ZNF148: variants seen among roughly 807,000 people sequenced by gnomAD.
ZNF148 encodes zinc finger protein 148, also known as Beta-Enolase Repressor Factor-1.
ZNF148 carries 7 observed loss-of-function variants against 67.7 expected under a neutral mutation model. The ratio of observed to expected loss-of-function variants is 0.10; its 90% CI spans 0.06 to 0.19. ZNF148 has a LOEUF of 0.19. ZNF148 is among the 10% of genes least tolerant of loss of function. The pLI is 1.00. For missense variants in ZNF148, 583 were observed against 947.1 expected (o/e 0.62, Z 5.05); for synonymous variants, 333 against 330.7 (o/e 1.01, Z -0.08).
chr3:125,370,784 C>T (rs1013191989), intron 1 of ZNF148, among the ~76,000 whole-genome samples: 1 of 152,162 alleles, frequency 6.6e-6, no homozygotes, highest in African/African-American at 2.4e-5. Context: ...CTACCACATT[C>T]CCAACATATT....
At position 125,229,086 on chromosome 3, in the gene ZNF148, CAAT is replaced by C. The variant is rs1316252452; in HGVS notation, c.*3252_*3254del. On this transcript the variant is annotated 3_prime_UTR_variant, in exon 9 of 9. Coordinates refer to ENST00000360647, the MANE Select transcript of ZNF148 (RefSeq NM_021964.3). The stretch of plus-strand genomic sequence containing the variant: ...TAAATTTCAGACTCAAAATACTTCT[CAAT>C]GATTATTATAGTGCTTCTTCAAGTA... The C allele has an allele frequency of 5.9e-5, 9 of 152,164 alleles. No individual in the cohort carries two copies. The highest frequency in any genetic ancestry group is 1.0e-4 in the Non-Finnish European group (7 of 67,960). The allele number at this position is 152,164 out of a possible 1,614,324, so 9.4% of individuals were successfully genotyped here. A position where few individuals can be genotyped will look rare whatever the true frequency, so the allele number is the denominator to read the frequency against.
chr3:125,290,231 T>C (rs1938932762), intron 4 of ZNF148, among the ~76,000 whole-genome samples: 1 of 152,182 alleles, frequency 6.6e-6, no homozygotes, highest in Admixed American at 6.5e-5. Flanking sequence ...ATCTAACTTC[T>C]TCCCCAGGTT....
intron 1 of ZNF148, chr3:125,338,785 A>T (rs1941602147): frequency 6.6e-6 from 1 of 152,126 alleles, no homozygotes; most frequent in Admixed American, 6.6e-5. Flanking sequence ...ACAAAAAGCC[A>T]TACTCCATTT....
intron 2 of ZNF148, among the ~76,000 whole-genome samples, chr3:125,325,432 AT>A (rs1456169511): frequency 1.3e-5 from 2 of 152,132 alleles, no homozygotes; most frequent in African/African-American, 2.4e-5. Context: ...GAAAAAAAAA[AT>A]TAATAAAATA....
intron 4 of ZNF148, among the ~76,000 whole-genome samples, chr3:125,294,861 T>C (rs936626431): frequency 8.5e-5 from 13 of 152,144 alleles, no homozygotes; most frequent in African/African-American, 3.1e-4. Flanking sequence ...ATCCTAATGA[T>C]TGTGATCTGT....
intron 4 of ZNF148, among the ~76,000 whole-genome samples, chr3:125,303,131 TTCCA>T (rs1939684588): frequency 6.6e-6 from 1 of 152,184 alleles, no homozygotes; most frequent in South Asian, 2.1e-4. Context: ...TCCTGTAGGA[TTCCA>T]TTGATACAAC....
At position 125,288,797 on chromosome 3, in the gene ZNF148, C is replaced by T. The variant is rs900110312; in HGVS notation, c.334-569G>A. ...GACTCAAGATCTCAGCCAGTACTTT[C>T]CTGGGCTCTACAACAGACCATCACC... On this transcript the variant is annotated intron_variant, in intron 4 of 8. Coordinates refer to ENST00000360647, the MANE Select transcript of ZNF148 (RefSeq NM_021964.3). 2.6e-5 allele frequency among the ~76,000 whole-genome samples: 4 copies of T among 152,220 alleles called. No homozygotes were observed. The East Asian group carries it at 7.7e-4, about 29-fold the overall frequency.
intron 4 of ZNF148, among the ~76,000 whole-genome samples, chr3:125,293,693 A>C (rs919529894): frequency 6.6e-6 from 1 of 152,230 alleles, no homozygotes; most frequent in Non-Finnish European, 1.5e-5. Context: ...CACAGAATAA[A>C]ATGCATATCC....
At chr3:125,312,517 C>CA (rs1373778348) in intron 4 of ZNF148, among the ~76,000 whole-genome samples, 1 of 152,182 alleles carries the variant, frequency 6.6e-6, no homozygotes, top group African/African-American at 2.4e-5. Flanking sequence ...GTCCCTATCA[C>CA]AGGGACTCAA....
At position 125,231,367 on chromosome 3, in the gene ZNF148, T is replaced by C. The variant is rs1935847024; in HGVS notation, c.*974A>G. 1 of 152,472 alleles carries C rather than the reference T, an allele frequency of 6.6e-6. No individual in the cohort carries two copies. The highest frequency in any genetic ancestry group is 2.4e-5 in the African/African-American group (1 of 41,438). The allele number at this position is 152,472 out of a possible 1,614,324, so 9.4% of individuals were successfully genotyped here. ...GACACAACCATATCAAACCTAAAAA[T>C]CTAATTTTTTTTTTACTTTGAGAAA... On this transcript the variant is annotated 3_prime_UTR_variant, in exon 9 of 9. Transcript: ENST00000360647.
chr3:125,322,029 T>TTC (rs1279234418), intron 3 of ZNF148, among the ~76,000 whole-genome samples: 3 of 135,742 alleles, frequency 2.2e-5, no homozygotes, highest in African/African-American at 8.4e-5. Flanking sequence ...ATCAACGGCT[T>TTC]TTTTTTTTTT....
chr3:125,287,351 A>C (rs2107623058), intron 5 of ZNF148, among the ~76,000 whole-genome samples: 1 of 152,320 alleles, frequency 6.6e-6, no homozygotes. Flanking sequence ...TAAAGAGAAA[A>C]AAACAGGCCA....
At chr3:125,278,185 C>T (rs1938175495) in intron 6 of ZNF148, among the ~76,000 whole-genome samples, 1 of 152,074 alleles carries the variant, frequency 6.6e-6, no homozygotes, top group South Asian at 2.1e-4. Flanking sequence ...CCTGTTTTCT[C>T]CCTAGTTAAC....
intron 4 of ZNF148, among the ~76,000 whole-genome samples, chr3:125,305,246 T>C (rs1421159043): frequency 6.6e-6 from 1 of 152,170 alleles, no homozygotes; most frequent in African/African-American, 2.4e-5. Context: ...TTGTACAATA[T>C]TCCTGCCAAA....
At chr3:125,338,087 G>C (rs1337995954) in intron 1 of ZNF148, among the ~76,000 whole-genome samples, 2 of 152,070 alleles carry the variant, frequency 1.3e-5, no homozygotes, top group South Asian at 4.1e-4. Flanking sequence ...CTGAGCAACA[G>C]AGTGAGACCC....
chr3:125,320,651 T>G (rs1333099890), intron 3 of ZNF148, among the ~76,000 whole-genome samples: 4 of 152,190 alleles, frequency 2.6e-5, no homozygotes, highest in Non-Finnish European at 5.9e-5. Context: ...CAACTTAAAA[T>G]ATTCTCACAA....
Position 125,232,875 on chromosome 3 carries a change from G to A in ZNF148, c.1851C>T (p.Ser617=). The A allele has an allele frequency of 6.2e-7, 1 of 1,613,812 alleles. No individual in the cohort carries two copies. The highest frequency in any genetic ancestry group is 1.3e-5 in the African/African-American group (1 of 74,972). ...KFLQQALDRT[S]QNDAYLNSPS... ...GGCTATTCAAATAGGCATCATTTTG[G>A]CTAGTTCTGTCCAAAGCCTGCTGCA... Residue 617 remains serine (S), a synonymous_variant, in exon 9 of 9, where the codon AGC becomes AGT. Transcript: ENST00000360647. The surrounding 1 kb of genome is among the most constrained non-coding windows in gnomAD (Gnocchi z 4.2).
At chr3:125,267,022 C>G (rs991519750) in intron 7 of ZNF148, among the ~76,000 whole-genome samples, 1 of 146,998 alleles carries the variant, frequency 6.8e-6, no homozygotes. Context: ...TTGAACAGAT[C>G]AATAACGAGT....
intron 1 of ZNF148, among the ~76,000 whole-genome samples, chr3:125,372,496 T>C (rs1200350694): frequency 6.6e-6 from 1 of 152,212 alleles, no homozygotes; most frequent in African/African-American, 2.4e-5. Flanking sequence ...ATAATGTCAT[T>C]TTGATAAATC....
Sources: allele counts gnomAD v4.1 joint callset (sites outside exome capture counted in the v4.1 genomes callset), GRCh38; gene constraint gnomAD v4.1.1; non-coding constraint Gnocchi (gnomAD v3.1); transcripts MANE v1.5; gene names NCBI Gene and HGNC (gene_info 2026-07-23, HGNC 2026-07-21).